The following FSTL4 variants were observed in gnomAD, a reference collection of about 807,000 sequenced individuals.
The protein encoded by FSTL4 is follistatin-related protein 4.
FSTL4 carries 28 observed loss-of-function variants against 78.2 expected under a neutral mutation model. The observed-to-expected ratio is 0.36, with a 90% CI of 0.27 to 0.49. The LOEUF (loss-of-function observed/expected upper bound fraction) is 0.49. Among genes scored for constraint, FSTL4 ranks in the 20% least tolerant of loss-of-function variants. FSTL4 has a pLI of 0.98. For missense variants in FSTL4, 922 were observed against 1,084.9 expected, an observed-to-expected ratio of 0.85 and a Z score of 2.11; for synonymous variants, 422 against 440.5, an observed-to-expected ratio of 0.96 and a Z score of 0.53.
intron 7 of FSTL4, among the ~76,000 whole-genome samples, chr5:133,239,783 T>C (rs1751778164): frequency 6.6e-6 from 1 of 152,310 alleles, no homozygotes; most frequent in Middle Eastern, 3.4e-3. Context: ...GTGTGGACAC[T>C]CTGTATCTAG....
the FSTL4 span, among the ~76,000 whole-genome samples, chr5:133,733,940 C>A: frequency 6.6e-6 from 1 of 152,192 alleles, no homozygotes; most frequent in Non-Finnish European, 1.5e-5. Flanking sequence ...TCAGTGCCTC[C>A]CCATGTGGAC....
At chr5:133,209,957 C>T in intron 14 of FSTL4, 1 of 409,352 alleles carries the variant, frequency 2.4e-6, no homozygotes, top group Non-Finnish European at 4.5e-6. Context: ...GGATTGGGTG[C>T]CACATTCTGA....
the FSTL4 span, among the ~76,000 whole-genome samples, chr5:133,659,328 G>A: frequency 6.6e-6 from 1 of 151,984 alleles, no homozygotes; most frequent in East Asian, 1.9e-4. Context: ...CATATTACTT[G>A]TTTTACCAAT....
intron 3 of FSTL4, among the ~76,000 whole-genome samples, chr5:133,518,504 G>A (rs1758909150): frequency 6.6e-6 from 1 of 152,200 alleles, no homozygotes; most frequent in Non-Finnish European, 1.5e-5. Flanking sequence ...GGTGGGGAAG[G>A]GGGCAGCATT....
intron 3 of FSTL4, among the ~76,000 whole-genome samples, chr5:133,403,840 T>TA (rs1561704491): frequency 6.6e-6 from 1 of 152,156 alleles, no homozygotes; most frequent in African/African-American, 2.4e-5. Flanking sequence ...GGGGAGAAGC[T>TA]ACTTTCCCTG....
chr5:133,698,944 T>C, the FSTL4 span, among the ~76,000 whole-genome samples: 2 of 152,222 alleles, frequency 1.3e-5, no homozygotes, highest in African/African-American at 4.8e-5. Flanking sequence ...GCAAATTTAT[T>C]CCTGAAGCCA....
chr5:133,453,736 C>T (rs991241955), intron 3 of FSTL4, among the ~76,000 whole-genome samples: 7 of 152,196 alleles, frequency 4.6e-5, no homozygotes, highest in African/African-American at 9.6e-5. Context: ...ATGTCCAGCA[C>T]GGAGTTGGTG....
intron 4 of FSTL4, among the ~76,000 whole-genome samples, chr5:133,383,575 A>G (rs779439269): frequency 6.6e-6 from 1 of 152,212 alleles, no homozygotes; most frequent in East Asian, 1.9e-4. Flanking sequence ...TCTGACTGAC[A>G]GGCCCCAGGG....
rs561423961 is a variant in FSTL4, at chr5:133,401,807, G to A, written c.161-821C>T. Among the ~76,000 whole-genome samples, 4 of 152,270 alleles carry A rather than the reference G, an allele frequency of 2.6e-5. No individual in the cohort carries two copies. The South Asian group carries it at 8.3e-4, about 32-fold the overall frequency. ...GACTCCCCCAGCCGCCCTGTGGGTG[G>A]CATTTGCAGGTCTCAGGTAGAAGAC... On this transcript the variant is annotated intron_variant, in intron 3 of 15. Coordinates refer to ENST00000265342, the MANE Select transcript of FSTL4 (RefSeq NM_015082.2).
chr5:133,651,046 G>A, the FSTL4 span, among the ~76,000 whole-genome samples: 1 of 152,064 alleles, frequency 6.6e-6, no homozygotes, highest in Non-Finnish European at 1.5e-5. Flanking sequence ...CATGTTGCTG[G>A]CATACAGAAA....
chr5:133,264,303 G>T (rs555649381), intron 6 of FSTL4, among the ~76,000 whole-genome samples: 1 of 152,052 alleles, frequency 6.6e-6, no homozygotes, highest in Admixed American at 6.5e-5. Flanking sequence ...TCGTATGTTG[G>T]GAGTGGCTGC....
intron 6 of FSTL4, among the ~76,000 whole-genome samples, chr5:133,261,464 A>G (rs908317386): frequency 6.6e-6 from 1 of 152,216 alleles, no homozygotes; most frequent in African/African-American, 2.4e-5. Flanking sequence ...CTGACTTCCC[A>G]GCCATGATGG....
chr5:133,254,692 C>T lies in FSTL4; in HGVS notation c.728-5116G>A, dbSNP rs540200994. ...CGGTAAGAATCGTCAGAACTGAAACCTGATTTAGGCTACTACAGTCTTGCC... is the reference window on the plus strand; with the variant it reads ...CGGTAAGAATCGTCAGAACTGAAACTTGATTTAGGCTACTACAGTCTTGCC... On this transcript the variant is annotated intron_variant, in intron 6 of 15. Coordinates refer to ENST00000265342, the MANE Select transcript of FSTL4 (RefSeq NM_015082.2). 2.4e-3 allele frequency among the ~76,000 whole-genome samples: 364 copies of T among 152,342 alleles called. 1 individual carries two copies. The South Asian group carries it at 0.024, about 10-fold the overall frequency.
At chr5:133,661,885 C>T in the FSTL4 span, among the ~76,000 whole-genome samples, 1 of 152,200 alleles carries the variant, frequency 6.6e-6, no homozygotes, top group Admixed American at 6.5e-5. Context: ...TTTTTATTAA[C>T]TTGTCCTTAT....
chr5:133,505,136 G>A (rs1758586427), intron 3 of FSTL4, among the ~76,000 whole-genome samples: 1 of 151,996 alleles, frequency 6.6e-6, no homozygotes, highest in African/African-American at 2.4e-5. Context: ...GAATAGGCTG[G>A]ATATAAATCA....
In FSTL4 at chr5:133,611,203, G is replaced by T. The variant is rs901249460; in HGVS notation, c.-11+1122C>A. ...GCCCCGGCACCCGCTCTCGAGCCGC[G>T]ACACCGACCTCGCCGGGCCCGCCCC... On this transcript the variant is annotated intron_variant, in intron 1 of 15. Coordinates refer to ENST00000265342, the MANE Select transcript of FSTL4 (RefSeq NM_015082.2). The surrounding 1 kb of genome is among the most constrained non-coding windows in gnomAD (Gnocchi z 4.9). Among the ~76,000 whole-genome samples, 1 of 152,038 alleles carries T rather than the reference G, an allele frequency of 6.6e-6. No homozygotes were observed. The highest frequency in any genetic ancestry group is 2.1e-4 in the South Asian group (1 of 4,828).
At chr5:133,397,327 AG>A (rs1248057092) in intron 4 of FSTL4, among the ~76,000 whole-genome samples, 2 of 152,242 alleles carry the variant, frequency 1.3e-5, no homozygotes, top group Non-Finnish European at 2.9e-5. Flanking sequence ...TTTTGCTACA[AG>A]AAGAGATACA....
chr5:133,650,451 G>A, the FSTL4 span, among the ~76,000 whole-genome samples: 1 of 152,224 alleles, frequency 6.6e-6, no homozygotes, highest in East Asian at 1.9e-4. Flanking sequence ...ATGTATGTCA[G>A]TGACACATTT....
chr5:133,802,579 C>G, the FSTL4 span, among the ~76,000 whole-genome samples: 2 of 152,220 alleles, frequency 1.3e-5, no homozygotes, highest in African/African-American at 4.8e-5. Flanking sequence ...GGACTCCCAG[C>G]TACACACATG....
Sources: allele counts gnomAD v4.1 joint callset (sites outside exome capture counted in the v4.1 genomes callset), GRCh38; gene constraint gnomAD v4.1.1; non-coding constraint Gnocchi (gnomAD v3.1); transcripts MANE v1.5; gene names NCBI Gene and HGNC (gene_info 2026-07-23, HGNC 2026-07-21).